Variants in MCTP1 observed in about 807,000 individuals in gnomAD.
MCTP1 encodes multiple C2 and transmembrane domain-containing protein 1.
MCTP1 carries 69 observed loss-of-function variants against 120.6 expected under a neutral mutation model. The observed-to-expected ratio is 0.57, with a 90% CI of 0.47 to 0.70. MCTP1 has a LOEUF of 0.70. Ranked by LOEUF, MCTP1 falls within the 30% of genes least tolerant of loss-of-function variation. MCTP1 has a pLI of 0.00. For synonymous variants in MCTP1, 529 were observed against 493.1 expected, an observed-to-expected ratio of 1.07 and a Z score of -0.96; for missense variants, 1,203 against 1,248.8, an observed-to-expected ratio of 0.96 and a Z score of 0.55.
At chr5:95,054,286 C>T (rs71646187) in intron 1 of MCTP1, among the ~76,000 whole-genome samples, 2 of 152,118 alleles carry the variant, frequency 1.3e-5, no homozygotes, top group Non-Finnish European at 2.9e-5. Context: ...TGCAATACAT[C>T]GTATCTATAA....
intron 18 of MCTP1, among the ~76,000 whole-genome samples, chr5:94,785,794 T>A (rs918045022): frequency 2.0e-5 from 3 of 152,108 alleles, no homozygotes; most frequent in African/African-American, 7.2e-5. Context: ...TTTAAAAAAA[T>A]TTCTGTAAAG....
intron 1 of MCTP1, among the ~76,000 whole-genome samples, chr5:95,168,023 T>G (rs62364755): frequency 2.2e-3 from 340 of 152,276 alleles, no homozygotes; most frequent in Non-Finnish European, 3.7e-3. Flanking sequence ...GTTTTTATGG[T>G]TTTAGGTCTA....
At chr5:94,928,209 A>AAC (rs60502360) in intron 6 of MCTP1, among the ~76,000 whole-genome samples, 14,902 of 148,420 alleles carry the variant, frequency 0.1, 763 homozygotes, top group Middle Eastern at 0.18. Context: ...TCTAGGTTAA[A>AAC]ACACACACAC....
At chr5:95,012,728 A>C (rs1255592867) in intron 2 of MCTP1, among the ~76,000 whole-genome samples, 1 of 152,068 alleles carries the variant, frequency 6.6e-6, no homozygotes, top group East Asian at 1.9e-4. Context: ...TTAATCAGTG[A>C]ATGTTGTGTG....
chr5:94,975,661 C>T (rs900913805), intron 2 of MCTP1, among the ~76,000 whole-genome samples: 1 of 152,002 alleles, frequency 6.6e-6, no homozygotes, highest in Non-Finnish European at 1.5e-5. Context: ...TCTCAACAGA[C>T]ATCCCATCTA....
At chr5:95,007,722 A>G (rs80144796) in intron 2 of MCTP1, among the ~76,000 whole-genome samples, 2,580 of 152,340 alleles carry the variant, frequency 0.017, 67 homozygotes, top group African/African-American at 0.06. Flanking sequence ...AGACTTCAGT[A>G]CACTGTGAAA....
At chr5:94,770,970 A>G (rs17331879) in intron 19 of MCTP1, among the ~76,000 whole-genome samples, 5,644 of 152,220 alleles carry the variant, frequency 0.037, 124 homozygotes, top group Middle Eastern at 0.058. Flanking sequence ...TTGACATGAA[A>G]CTGAAAAGCC....
At chr5:94,988,636 T>G (rs1830894628) in intron 2 of MCTP1, among the ~76,000 whole-genome samples, 1 of 146,700 alleles carries the variant, frequency 6.8e-6, no homozygotes, top group Admixed American at 7.0e-5. Context: ...CCTTCTAGCC[T>G]TATTAAGGGA....
At chr5:94,738,091 G>A (rs1277899192) in intron 19 of MCTP1, among the ~76,000 whole-genome samples, 1 of 152,190 alleles carries the variant, frequency 6.6e-6, no homozygotes, top group African/African-American at 2.4e-5. Context: ...GCAAACTGCA[G>A]GTACATTATA....
rs546164568 is a variant in MCTP1, at chr5:95,029,079, C to T, written c.721-11595G>A. Among the ~76,000 whole-genome samples, 4 of 151,860 alleles carry T rather than the reference C, an allele frequency of 2.6e-5. No homozygotes were observed. In the East Asian group the frequency reaches 5.8e-4, roughly 22 times the overall value. ...GAGACTGAGGCAGGAGAATTTTGAT[C>T]CCGGAGGCCGAGGTTGTAGGGAGCA... On this transcript the variant is annotated intron_variant, in intron 1 of 22. Coordinates refer to ENST00000515393, the MANE Select transcript of MCTP1 (RefSeq NM_024717.7).
chr5:94,883,825 A>G (rs995677739), intron 12 of MCTP1, among the ~76,000 whole-genome samples: 1 of 152,212 alleles, frequency 6.6e-6, no homozygotes, highest in Non-Finnish European at 1.5e-5. Context: ...CACTTGAAGT[A>G]ACAACTGCAT....
In MCTP1 at chr5:95,284,183, G is replaced by A. The variant is rs765214069; in HGVS notation, c.393C>T (p.Pro131=). 2.6e-6 allele frequency: 4 copies of A among 1,543,994 alleles called. No individual in the cohort carries two copies. Among genetic ancestry groups the A allele is most frequent in the Non-Finnish European group, 3.5e-6 (4 of 1,146,040 alleles). ...AGGCCGCCGCGGGCCCCTTTACGGC[G>A]GGGAGCAAATGCTCGCGGATCCGGC... is the stretch of plus-strand genomic sequence containing the variant. ...LRRRIREHLL[P]AVKGPAAASG... The change falls in exon 1 of 23, where the codon CCC becomes CCT. Residue 131 remains proline, a synonymous_variant. Transcript: ENST00000515393. This position sits in a 1 kb window ranked among gnomAD's most constrained non-coding sequence, Gnocchi z 5.2.
chr5:95,199,466 G>A (rs567952033), intron 1 of MCTP1, among the ~76,000 whole-genome samples: 1 of 152,212 alleles, frequency 6.6e-6, no homozygotes, highest in South Asian at 2.1e-4. Flanking sequence ...GCCAACAGGT[G>A]TACAAAAAAA....
intron 11 of MCTP1, among the ~76,000 whole-genome samples, chr5:94,892,713 G>C (rs566039045): frequency 6.6e-6 from 1 of 152,264 alleles, no homozygotes; most frequent in African/African-American, 2.4e-5. Flanking sequence ...AGTGACCAAT[G>C]TCAAATTCCT....
At chr5:95,053,510 T>G (rs1746552662) in intron 1 of MCTP1, among the ~76,000 whole-genome samples, 1 of 152,132 alleles carries the variant, frequency 6.6e-6, no homozygotes, top group African/African-American at 2.4e-5. Flanking sequence ...CCAGTTAAAC[T>G]ACAGATTGAG....
chr5:94,751,866 C>T (rs1206716338), intron 19 of MCTP1, among the ~76,000 whole-genome samples: 4 of 150,808 alleles, frequency 2.7e-5, no homozygotes, highest in Admixed American at 6.6e-5. Context: ...TTACAAAAAA[C>T]CAAACACCGC....
At chr5:94,723,120 T>G (rs1761286482) in intron 19 of MCTP1, among the ~76,000 whole-genome samples, 2 of 152,180 alleles carry the variant, frequency 1.3e-5, no homozygotes, top group Non-Finnish European at 2.9e-5. Context: ...CTCAGCAGTT[T>G]GGCAATTCAG....
At chr5:94,959,173 A>AT (rs1427751064) in intron 2 of MCTP1, among the ~76,000 whole-genome samples, 1 of 152,212 alleles carries the variant, frequency 6.6e-6, no homozygotes, top group Admixed American at 6.5e-5. Context: ...AAAAAACTAC[A>AT]TGATTATCTC....
At chr5:95,047,685 G>A (rs1165038530) in intron 1 of MCTP1, among the ~76,000 whole-genome samples, 1 of 152,086 alleles carries the variant, frequency 6.6e-6, no homozygotes, top group Non-Finnish European at 1.5e-5. Context: ...GTAGTCTAAT[G>A]CCTAGCTAAG....
Sources: gnomAD v4.1 joint callset for allele counts (sites outside exome capture counted in the v4.1 genomes callset) on GRCh38, gnomAD v4.1.1 for gene constraint, Gnocchi (gnomAD v3.1) non-coding constraint, MANE v1.5 for transcripts, NCBI Gene and HGNC (gene_info 2026-07-23, HGNC 2026-07-21) for gene names.